NOS1AP: variants seen among roughly 807,000 people sequenced by gnomAD.
NOS1AP encodes nitric oxide synthase 1 adaptor protein, also known as carboxyl-terminal PDZ ligand of neuronal nitric oxide synthase protein.
Under a neutral mutation model 56.2 loss-of-function variants are expected in NOS1AP, and 21 were observed. The ratio of observed to expected loss-of-function variants is 0.37; its 90% CI spans 0.26 to 0.54. NOS1AP has a LOEUF of 0.54. Among genes scored for constraint, NOS1AP ranks in the 20% least tolerant of loss-of-function variants. The pLI, the probability that NOS1AP is intolerant of heterozygous loss-of-function variation, is 0.84. For synonymous variants in NOS1AP, 270 were observed against 274.6 expected, an observed-to-expected ratio of 0.98 and a Z score of 0.17; for missense variants, 522 against 657.8, an observed-to-expected ratio of 0.79 and a Z score of 2.26.
At chr1:162,315,121 A>G (rs1265050583) in intron 4 of NOS1AP, among the ~76,000 whole-genome samples, 1 of 152,216 alleles carries the variant, frequency 6.6e-6, no homozygotes, top group African/African-American at 2.4e-5. Context: ...TTGGAATCAC[A>G]TGGATGATGG....
At chr1:162,280,246 A>G (rs776895470) in intron 2 of NOS1AP, among the ~76,000 whole-genome samples, 3 of 152,246 alleles carry the variant, frequency 2.0e-5, no homozygotes, top group Non-Finnish European at 4.4e-5. Context: ...ATTTCCTCCC[A>G]AAGTAATACT....
At chr1:162,324,115 T>A (rs1656504344) in intron 4 of NOS1AP, among the ~76,000 whole-genome samples, 1 of 150,302 alleles carries the variant, frequency 6.7e-6, no homozygotes, top group Admixed American at 6.7e-5. Flanking sequence ...ATTTTCTCTC[T>A]TTTTTCTGGC....
intron 4 of NOS1AP, among the ~76,000 whole-genome samples, chr1:162,324,173 G>A (rs917197937): frequency 4.6e-5 from 7 of 151,356 alleles, no homozygotes; most frequent in Non-Finnish European, 1.0e-4. Flanking sequence ...GGAAGTCCGA[G>A]GGTCCTGAAA....
At chr1:162,106,758 G>A (rs888828697) in intron 1 of NOS1AP, among the ~76,000 whole-genome samples, 2 of 152,138 alleles carry the variant, frequency 1.3e-5, no homozygotes, top group Non-Finnish European at 2.9e-5. Flanking sequence ...ACTGTAGGGG[G>A]AAATCGATAC....
At chr1:162,289,968 T>G (rs1221688667) in intron 3 of NOS1AP, among the ~76,000 whole-genome samples, 1 of 152,176 alleles carries the variant, frequency 6.6e-6, no homozygotes, top group Non-Finnish European at 1.5e-5. Flanking sequence ...GCTTCCCCAT[T>G]GTGCATGTGA....
At chr1:162,184,092 A>C (rs1651351585) in intron 2 of NOS1AP, among the ~76,000 whole-genome samples, 1 of 152,030 alleles carries the variant, frequency 6.6e-6, no homozygotes, top group Non-Finnish European at 1.5e-5. Flanking sequence ...CACTTTACTG[A>C]TGGGCCATTG....
chr1:162,125,130 C>CTTTTTT lies in NOS1AP; in HGVS notation c.106-29259_106-29254dup, dbSNP rs56264198. Among the ~76,000 whole-genome samples the CTTTTTT allele has an allele frequency of 6.5e-3, 811 of 124,084 alleles. 33 individuals carry two copies. The highest frequency in any genetic ancestry group is 0.025 in the African/African-American group (777 of 30,902). 81.4% of individuals were successfully genotyped at this position (124,084 alleles called of 152,430 possible). On this transcript the variant is annotated intron_variant, in intron 1 of 9. Transcript: ENST00000361897. ...ATGCCAACATCTATTGTTTCTGACT[C>CTTTTTT]TTTTTTTTTTTTTTTTTTTTTAAGA...
At chr1:162,304,943 C>T (rs893824954) in intron 4 of NOS1AP, among the ~76,000 whole-genome samples, 3 of 152,102 alleles carry the variant, frequency 2.0e-5, no homozygotes, top group African/African-American at 7.2e-5. Context: ...AGGGACCACT[C>T]TGGTTTGATT....
intron 1 of NOS1AP, among the ~76,000 whole-genome samples, chr1:162,137,178 G>A (rs572656497): frequency 4.8e-4 from 73 of 152,226 alleles, no homozygotes; most frequent in African/African-American, 1.7e-3. Context: ...AGCACGATTT[G>A]CATTTGCACT....
In NOS1AP at chr1:162,367,758, G is replaced by T; in HGVS notation, c.*291G>T. ...CAGGAGAGGGTCTCTCTCCAGGACT[G>T]CCAGGCTGCTGGAGGACCTGCCCCT... On this transcript the variant is annotated 3_prime_UTR_variant, in exon 10 of 10. Transcript: ENST00000361897. This position sits in a 1 kb window ranked among gnomAD's most constrained non-coding sequence, Gnocchi z 6.5. The T allele has an allele frequency of 2.5e-6, 1 of 403,164 alleles. No homozygotes were observed. Among genetic ancestry groups the T allele is most frequent in the East Asian group, 4.3e-5 (1 of 23,316 alleles). The allele number at this position is 403,164 out of a possible 1,614,324, so 25.0% of individuals were successfully genotyped here.
At chr1:162,141,562 G>A (rs1649235765) in intron 1 of NOS1AP, among the ~76,000 whole-genome samples, 1 of 152,156 alleles carries the variant, frequency 6.6e-6, no homozygotes, top group African/African-American at 2.4e-5. Context: ...GGGAAAATCT[G>A]TCCTCATCAT....
At chr1:162,265,104 T>C (rs1009922321) in intron 2 of NOS1AP, among the ~76,000 whole-genome samples, 5 of 152,120 alleles carry the variant, frequency 3.3e-5, no homozygotes, top group Admixed American at 6.6e-5. Flanking sequence ...CATGAGCCAC[T>C]GCACCCGGTC....
intron 2 of NOS1AP, among the ~76,000 whole-genome samples, chr1:162,232,310 C>T (rs1200454382): frequency 6.6e-6 from 1 of 151,902 alleles, no homozygotes; most frequent in Non-Finnish European, 1.5e-5. Context: ...TATTCAGTTT[C>T]TGTTAAAAGC....
intron 1 of NOS1AP, among the ~76,000 whole-genome samples, chr1:162,148,439 G>A (rs1221826970): frequency 1.3e-5 from 2 of 152,236 alleles, no homozygotes; most frequent in African/African-American, 2.4e-5. Context: ...TAAACAAAGG[G>A]GAAGTAGAGA....
In NOS1AP at chr1:162,355,346, G is replaced by C; in HGVS notation, c.755G>C (p.Gly252Ala). 1 of 1,614,114 alleles carries C rather than the reference G, an allele frequency of 6.2e-7. No homozygotes were observed. Among genetic ancestry groups the C allele is most frequent in the Non-Finnish European group, 8.5e-7 (1 of 1,180,036 alleles). ...GGGAAGGAAGGAGGCTCTCACACAG[G>C]CTCCAAGGTAGGCAAGAGATGGCCC... ...AVGKEGGSHT[G>A]SKVSHPQEPM... Residue 252 changes from glycine (G) to alanine (A), a missense_variant, in exon 7 of 10, where the codon GGC becomes GCC. By Grantham distance (60) the Gly-to-Ala change is moderately conservative (BLOSUM62 0). Transcript: ENST00000361897.
intron 2 of NOS1AP, among the ~76,000 whole-genome samples, chr1:162,172,245 C>T (rs1650824292): frequency 6.6e-6 from 1 of 152,140 alleles, no homozygotes; most frequent in African/African-American, 2.4e-5. Context: ...ACTTGTTGAG[C>T]CTATACTGGA....
intron 2 of NOS1AP, among the ~76,000 whole-genome samples, chr1:162,228,798 T>A (rs972857811): frequency 4.6e-5 from 7 of 152,306 alleles, no homozygotes; most frequent in African/African-American, 1.7e-4. Flanking sequence ...ATACAATGTC[T>A]GGCAGTCAAT....
At chr1:162,235,251 C>T (rs1188495954) in intron 2 of NOS1AP, among the ~76,000 whole-genome samples, 2 of 152,168 alleles carry the variant, frequency 1.3e-5, no homozygotes, top group African/African-American at 4.8e-5. Context: ...TGAACTTAAT[C>T]TTACTCATCT....
chr1:162,325,541 C>G (rs1035963126), intron 4 of NOS1AP, among the ~76,000 whole-genome samples: 4 of 152,046 alleles, frequency 2.6e-5, no homozygotes, highest in Non-Finnish European at 4.4e-5. Flanking sequence ...ACACATTGGG[C>G]CCCCCAGAAT....
Sources: gnomAD v4.1 joint callset for allele counts (sites outside exome capture counted in the v4.1 genomes callset) on GRCh38, gnomAD v4.1.1 for gene constraint, Gnocchi (gnomAD v3.1) non-coding constraint, MANE v1.5 for transcripts, NCBI Gene and HGNC (gene_info 2026-07-23, HGNC 2026-07-21) for gene names.